The following RAB27A variants were observed in gnomAD, a reference collection of about 807,000 sequenced individuals.
The protein encoded by RAB27A is RAB27A, member RAS oncogene family, also known as ras-related protein Rab-27A.
RAB27A carries 17 observed loss-of-function variants against 20.8 expected under a neutral mutation model. The observed-to-expected ratio is 0.82, with a 90% CI of 0.56 to 1.23. The LOEUF (loss-of-function observed/expected upper bound fraction) is 1.23. RAB27A is among the 50% of genes most tolerant of loss of function. RAB27A has a pLI of 0.00. For synonymous variants in RAB27A, 85 were observed against 92.8 expected, an observed-to-expected ratio of 0.92 and a Z score of 0.48; for missense variants, 277 against 266.7, an observed-to-expected ratio of 1.04 and a Z score of -0.27.
chr15:55,315,278 T>C (rs2055037935), intron 1 of RAB27A, among the ~76,000 whole-genome samples: 1 of 152,086 alleles, frequency 6.6e-6, no homozygotes, highest in Non-Finnish European at 1.5e-5. Flanking sequence ...GACTAATAAC[T>C]TAAATGGAAA....
Position 55,298,509 on chromosome 15 carries a change from A to C in RAB27A, c.-112+15530T>G, listed in dbSNP as rs1167914550. Among the ~76,000 whole-genome samples the C allele has an allele frequency of 2.6e-5, 4 of 152,300 alleles. No homozygotes were observed. In the East Asian group the frequency reaches 7.7e-4, roughly 29 times the overall value. Reference sequence around the variant, plus strand: ...CTTCACAAAGTAATAGAATATCACAAGGCAAGTGGAGGCAGGGCGAGATCA... The same window carrying C: ...CTTCACAAAGTAATAGAATATCACACGGCAAGTGGAGGCAGGGCGAGATCA... On this transcript the variant is annotated intron_variant, in intron 2 of 5. Transcript: ENST00000563262.
chr15:55,240,409 G>T (rs1447291785), intron 2 of RAB27A, among the ~76,000 whole-genome samples: 1 of 152,120 alleles, frequency 6.6e-6, no homozygotes, highest in Non-Finnish European at 1.5e-5. Flanking sequence ...ACCTAGGTCA[G>T]ATGCCCACAT....
chr15:55,292,981 T>C (rs1339231737), upstream of RAB27A, among the ~76,000 whole-genome samples: 4 of 152,170 alleles, frequency 2.6e-5, no homozygotes, highest in South Asian at 4.1e-4. Context: ...GAGAGTGTTA[T>C]TACAGAAACT....
At chr15:55,311,888 G>T (rs901373722) in intron 2 of RAB27A, among the ~76,000 whole-genome samples, 1 of 152,148 alleles carries the variant, frequency 6.6e-6, no homozygotes, top group Non-Finnish European at 1.5e-5. Context: ...GTTACTGGGG[G>T]TCCTTACTCC....
rs183431787 is a variant in RAB27A, at chr15:55,241,900, T to C, written c.-22-6944A>G. On this transcript the variant is annotated intron_variant, in intron 2 of 6. Coordinates refer to ENST00000336787, the MANE Select transcript of RAB27A (RefSeq NM_183235.3). ...ACACTTAAAGATTTTTAAATGTTTT[T>C]AAAAATACTTTTTAAGTGTTTTTTA... Among the ~76,000 whole-genome samples, 202 of 152,212 alleles carry C rather than the reference T, an allele frequency of 1.3e-3. 1 individual carries two copies. Among genetic ancestry groups the C allele is most frequent in the Middle Eastern group, 6.8e-3 (2 of 294 alleles).
chr15:55,283,220 A>G (rs1898062113), intron 1 of RAB27A, among the ~76,000 whole-genome samples: 1 of 152,018 alleles, frequency 6.6e-6, no homozygotes, highest in Non-Finnish European at 1.5e-5. Context: ...GCCAGGAGTA[A>G]CTCCCCAGCT....
At chr15:55,233,824 A>G (rs117504726) in intron 3 of RAB27A, among the ~76,000 whole-genome samples, 2,077 of 152,328 alleles carry the variant, frequency 0.014, 34 homozygotes, top group Admixed American at 0.04. Flanking sequence ...ATCTCAACAA[A>G]TCTATTTTTT....
upstream of RAB27A, among the ~76,000 whole-genome samples, chr15:55,290,569 A>G (rs1033395453): frequency 2.0e-5 from 3 of 152,252 alleles, no homozygotes; most frequent in African/African-American, 7.2e-5. Context: ...GAAGAAAACT[A>G]CAGTATGTTA....
intron 2 of RAB27A, among the ~76,000 whole-genome samples, chr15:55,295,310 A>C (rs982965025): frequency 6.6e-6 from 1 of 152,216 alleles, no homozygotes; most frequent in African/African-American, 2.4e-5. Flanking sequence ...AGTCTTCAAA[A>C]AGTTAAACAG....
intron 3 of RAB27A, among the ~76,000 whole-genome samples, chr15:55,232,890 A>G (rs1896087685): frequency 1.3e-5 from 2 of 152,146 alleles, no homozygotes. Context: ...TTGGGAGGCT[A>G]AGATGGGTGG....
chr15:55,310,898 G>C (rs1022271629), intron 2 of RAB27A, among the ~76,000 whole-genome samples: 3 of 152,196 alleles, frequency 2.0e-5, no homozygotes, highest in Admixed American at 6.5e-5. Flanking sequence ...TCACCAGAAA[G>C]GCGGTAGGAT....
chr15:55,254,040 G>A (rs914294552), intron 2 of RAB27A, among the ~76,000 whole-genome samples: 2 of 152,162 alleles, frequency 1.3e-5, no homozygotes, highest in East Asian at 1.9e-4. Flanking sequence ...TTCTGCATGA[G>A]AGATAACTGT....
At chr15:55,238,242 C>G (rs935842696) in intron 2 of RAB27A, 2 of 152,112 alleles carry the variant, frequency 1.3e-5, no homozygotes, top group Admixed American at 1.3e-4. Context: ...GAGAGGTAGA[C>G]TGATTTGCAC....
chr15:55,283,944 A>T (rs1898083518), intron 1 of RAB27A, among the ~76,000 whole-genome samples: 1 of 152,190 alleles, frequency 6.6e-6, no homozygotes, highest in Admixed American at 6.5e-5. Flanking sequence ...CCAGCCTCCC[A>T]GGTGGTGGGA....
intron 6 of RAB27A, among the ~76,000 whole-genome samples, chr15:55,206,769 A>C (rs925858967): frequency 1.3e-5 from 2 of 152,226 alleles, no homozygotes; most frequent in African/African-American, 4.8e-5. Context: ...TGGAATAAGA[A>C]AGGATTTCTT....
rs544527176 is a variant in RAB27A, at chr15:55,207,606, A to G, written c.468-1901T>C. Among the ~76,000 whole-genome samples, 9 of 152,368 alleles carry G rather than the reference A, an allele frequency of 5.9e-5. No individual in the cohort carries two copies. In the South Asian group the frequency reaches 1.9e-3, roughly 32 times the overall value. On this transcript the variant is annotated intron_variant, in intron 6 of 6. Coordinates refer to ENST00000336787, the MANE Select transcript of RAB27A (RefSeq NM_183235.3). ...ATGTATATCATCCAGTACAATAACT[A>G]CTAGCCACATGTAGCTATTGAGCAC...
At chr15:55,218,774 G>T (rs926447839) in intron 6 of RAB27A, among the ~76,000 whole-genome samples, 11 of 145,254 alleles carry the variant, frequency 7.6e-5, no homozygotes, top group African/African-American at 2.6e-4. Flanking sequence ...GCAGAGCCTC[G>T]CTCTTTTGCT....
At chr15:55,209,796 GTA>G in intron 6 of RAB27A, among the ~76,000 whole-genome samples, 1 of 125,344 alleles carries the variant, frequency 8.0e-6, no homozygotes, top group African/African-American at 3.8e-5. Flanking sequence ...ATGTGTGTAT[GTA>G]TACATATATA....
chr15:55,231,699 A>C (rs753712274), intron 3 of RAB27A, among the ~76,000 whole-genome samples: 1 of 152,234 alleles, frequency 6.6e-6, no homozygotes, highest in South Asian at 2.1e-4. Context: ...GGAGCTCCCT[A>C]AAAGTCCCAT....
Sources: gnomAD v4.1 joint callset for allele counts (sites outside exome capture counted in the v4.1 genomes callset) on GRCh38, gnomAD v4.1.1 for gene constraint, MANE v1.5 for transcripts, NCBI Gene and HGNC (gene_info 2026-07-23, HGNC 2026-07-21) for gene names.